Variants in GKAP1 observed in about 807,000 individuals in gnomAD.
The protein encoded by GKAP1 is G kinase-anchoring protein 1.
In GKAP1, 31 loss-of-function variants were observed where a neutral mutation model predicts 56.7. The observed-to-expected ratio is 0.55, with a 90% CI of 0.41 to 0.74. GKAP1 has a LOEUF of 0.74. GKAP1 is among the 30% of genes least tolerant of loss of function. The probability of loss-of-function intolerance (pLI) is 0.00; values close to 1 mark genes in which losing one functional copy is unlikely to be tolerated. For missense variants in GKAP1, 364 were observed against 402.3 expected (o/e 0.90, Z 0.82); for synonymous variants, 151 against 138.6 (o/e 1.09, Z -0.63).
chr9:83,797,753 T>A (rs1278346525), intron 4 of GKAP1, among the ~76,000 whole-genome samples: 1 of 152,220 alleles, frequency 6.6e-6, no homozygotes, highest in Non-Finnish European at 1.5e-5. Flanking sequence ...ATATCTGTGA[T>A]CAAGTTCCCA....
intron 12 of GKAP1, among the ~76,000 whole-genome samples, chr9:83,741,149 AAAC>A (rs1356064043): frequency 2.0e-5 from 3 of 152,132 alleles, no homozygotes; most frequent in African/African-American, 7.2e-5. Flanking sequence ...TAAAAATCCA[AAAC>A]AACAAACACA....
intron 8 of GKAP1, among the ~76,000 whole-genome samples, chr9:83,767,255 A>G (rs58547096): frequency 0.031 from 4,651 of 152,154 alleles, 228 homozygotes; most frequent in African/African-American, 0.11. Context: ...CTCAGATAAT[A>G]TATCTTGGGT....
intron 2 of GKAP1, among the ~76,000 whole-genome samples, chr9:83,814,361 T>C (rs1373708126): frequency 6.6e-6 from 1 of 152,232 alleles, no homozygotes; most frequent in Non-Finnish European, 1.5e-5. Context: ...CAATGCCATC[T>C]ATCTCTTCCA....
At chr9:83,780,737 G>C (rs1464906297) in intron 6 of GKAP1, among the ~76,000 whole-genome samples, 1 of 152,052 alleles carries the variant, frequency 6.6e-6, no homozygotes, top group East Asian at 1.9e-4. Flanking sequence ...GGTGGGGGGA[G>C]CAAGTCAAGG....
At chr9:83,814,738 T>C (rs541640902) in intron 2 of GKAP1, among the ~76,000 whole-genome samples, 5 of 152,378 alleles carry the variant, frequency 3.3e-5, no homozygotes, top group East Asian at 1.9e-4. Flanking sequence ...AAGTGCACAA[T>C]AGACAATCCT....
In GKAP1 at chr9:83,812,914, A is replaced by G. The variant is rs151195844; in HGVS notation, c.-44+4082T>C. ...CTTTTAAGAGAACACTACCCTCGTT[A>G]ACTAATTTTTCAGAATTTTCAAAAA... On this transcript the variant is annotated intron_variant, in intron 2 of 12. Coordinates refer to ENST00000376371, the MANE Select transcript of GKAP1 (RefSeq NM_025211.4). Among the ~76,000 whole-genome samples, 574 of 152,324 alleles carry G rather than the reference A, an allele frequency of 3.8e-3. 9 individuals carry two copies. Among genetic ancestry groups the G allele is most frequent in the African/African-American group, 0.013 (539 of 41,574 alleles).
At chr9:83,779,100 C>T (rs1286006784) in intron 7 of GKAP1, among the ~76,000 whole-genome samples, 1 of 151,768 alleles carries the variant, frequency 6.6e-6, no homozygotes, top group African/African-American at 2.4e-5. Context: ...AACACTATCC[C>T]CCAAATAAAT....
At chr9:83,745,705 A>C (rs1041980330) in intron 10 of GKAP1, among the ~76,000 whole-genome samples, 3 of 152,218 alleles carry the variant, frequency 2.0e-5, no homozygotes, top group African/African-American at 7.2e-5. Flanking sequence ...TTGTTCATTA[A>C]AAGACCCACA....
chr9:83,814,691 G>C (rs1396111476), intron 2 of GKAP1, among the ~76,000 whole-genome samples: 1 of 152,176 alleles, frequency 6.6e-6, no homozygotes, highest in Non-Finnish European at 1.5e-5. Context: ...TCTATGCAGT[G>C]AAAAATGTGC....
At chr9:83,801,619 T>A (rs1273681046) in intron 3 of GKAP1, among the ~76,000 whole-genome samples, 1 of 152,214 alleles carries the variant, frequency 6.6e-6, no homozygotes, top group East Asian at 1.9e-4. Flanking sequence ...GAAGCACTGG[T>A]AGGTCAGCTA....
chr9:83,775,898 A>AAG (rs1180892469), intron 7 of GKAP1, among the ~76,000 whole-genome samples: 29 of 149,414 alleles, frequency 1.9e-4, no homozygotes, highest in African/African-American at 5.4e-4. Flanking sequence ...AAAAAAAAAA[A>AAG]AGAGAGAGAA....
chr9:83,809,878 G>A lies in GKAP1; in HGVS notation c.-43-3318C>T, dbSNP rs2131327289. Among the ~76,000 whole-genome samples the A allele has an allele frequency of 2.0e-5, 3 of 152,272 alleles. No individual in the cohort carries two copies. In the East Asian group the frequency reaches 5.8e-4, roughly 29 times the overall value. On this transcript the variant is annotated intron_variant, in intron 2 of 12. Transcript: ENST00000376371. ...GCTGGATTGCAGTAACATGATTATG[G>A]CTCACTGCAGCCTCGACTTCCTGGG...
intron 8 of GKAP1, among the ~76,000 whole-genome samples, chr9:83,755,302 A>G (rs1943455697): frequency 6.6e-6 from 1 of 152,206 alleles, no homozygotes; most frequent in African/African-American, 2.4e-5. Context: ...CTAAGTCACT[A>G]AAAATGGTGA....
chr9:83,765,854 G>A (rs1943654548), intron 8 of GKAP1, among the ~76,000 whole-genome samples: 1 of 152,238 alleles, frequency 6.6e-6, no homozygotes, highest in Non-Finnish European at 1.5e-5. Flanking sequence ...CTCAGAGGCA[G>A]AAGGGACTTG....
chr9:83,742,660 A>C, intron 10 of GKAP1, 60 bp from the exon 11 acceptor site: 2 of 989,820 alleles, frequency 2.0e-6, no homozygotes, highest in Non-Finnish European at 3.2e-6. Flanking sequence ...CTTCAACAAT[A>C]CTTCAGGGAA....
intron 9 of GKAP1, among the ~76,000 whole-genome samples, chr9:83,752,770 T>G (rs2131241284): frequency 6.6e-6 from 1 of 152,164 alleles, no homozygotes; most frequent in African/African-American, 2.4e-5. Context: ...ATAAAGTGGA[T>G]TTTTAAAAAA....
intron 9 of GKAP1, among the ~76,000 whole-genome samples, chr9:83,750,326 T>C (rs536109740): frequency 3.3e-5 from 5 of 152,312 alleles, no homozygotes; most frequent in South Asian, 2.1e-4. Flanking sequence ...CATACAAAGT[T>C]GATAAAATTA....
intron 4 of GKAP1, among the ~76,000 whole-genome samples, chr9:83,798,460 AAAC>A (rs1437536826): frequency 6.6e-6 from 1 of 152,232 alleles, no homozygotes; most frequent in Admixed American, 6.5e-5. Flanking sequence ...TTAAAGAAAC[AAAC>A]AACAGTAAAG....
intron 6 of GKAP1, among the ~76,000 whole-genome samples, chr9:83,781,491 A>C (rs1347198643): frequency 1.3e-5 from 2 of 152,238 alleles, no homozygotes; most frequent in South Asian, 4.1e-4. Context: ...TAACTTTCTT[A>C]TGACTGAGAA....
Sources: allele counts gnomAD v4.1 joint callset (sites outside exome capture counted in the v4.1 genomes callset), GRCh38; gene constraint gnomAD v4.1.1; transcripts MANE v1.5; gene names NCBI Gene and HGNC (gene_info 2026-07-23, HGNC 2026-07-21).